Variants in ULK4 observed in about 807,000 individuals in gnomAD.
ULK4 encodes the protein unc-51 like kinase 4, also known as inactive serine/threonine-protein kinase ULK4.
A neutral mutation model predicts 160.6 loss-of-function variants in ULK4; 133 were observed. The ratio of observed to expected loss-of-function variants is 0.83; its 90% CI spans 0.72 to 0.96. ULK4 has a LOEUF of 0.96. Among genes scored for constraint, ULK4 ranks in the 40% least tolerant of loss-of-function variants. ULK4 has a pLI of 0.00. For synonymous variants in ULK4, 534 were observed against 539.8 expected (o/e 0.99, Z 0.15); for missense variants, 1,580 against 1,499.5 (o/e 1.05, Z -0.89).
chr3:41,905,611 T>C (rs1698525117), intron 12 of ULK4, among the ~76,000 whole-genome samples: 1 of 152,060 alleles, frequency 6.6e-6, no homozygotes, highest in Admixed American at 6.5e-5. Context: ...TGTAAAAAAT[T>C]CTTACAACTA....
intron 19 of ULK4, among the ~76,000 whole-genome samples, chr3:41,808,509 G>A (rs2040721119): frequency 6.6e-6 from 1 of 152,172 alleles, no homozygotes. Context: ...GCAAATAAGA[G>A]TAGCGGTATT....
In ULK4 at chr3:41,831,531, A is replaced by ATATATATATATTTTTTTTTT; in HGVS notation, c.1764+4332_1764+4333insAAAAAAAAAATATATATATA. 1.9e-4 allele frequency among the ~76,000 whole-genome samples: 26 copies of ATATATATATATTTTTTTTTT among 138,122 alleles called. No individual in the cohort carries two copies. In the East Asian group the frequency reaches 4.6e-3, roughly 25 times the overall value. 90.6% of individuals were successfully genotyped at this position (138,122 alleles called of 152,430 possible). On this transcript the variant is annotated intron_variant, in intron 18 of 36. Coordinates refer to ENST00000301831, the MANE Select transcript of ULK4 (RefSeq NM_017886.4). ...TTATTGTTATTTTATATATATATATATTTTTTTTTCTTTCTTAAACTTTAG... is the reference window on the plus strand; with the variant it reads ...TTATTGTTATTTTATATATATATATATATATATATATTTTTTTTTTTTTTTTTTTCTTTCTTAAACTTTAG...
At chr3:41,461,783 GA>G (rs1475773985) in intron 33 of ULK4, among the ~76,000 whole-genome samples, 1 of 151,998 alleles carries the variant, frequency 6.6e-6, no homozygotes, top group Non-Finnish European at 1.5e-5. Flanking sequence ...CAATTTACAA[GA>G]AAATCTTTTA....
intron 30 of ULK4, among the ~76,000 whole-genome samples, chr3:41,625,460 T>G (rs1172243298): frequency 6.6e-6 from 1 of 152,170 alleles, no homozygotes; most frequent in East Asian, 1.9e-4. Context: ...CCCAACGCAC[T>G]CTGAATTGTG....
chr3:41,298,681 T>G (rs1271821223), intron 35 of ULK4, among the ~76,000 whole-genome samples: 2 of 152,186 alleles, frequency 1.3e-5, no homozygotes, highest in Non-Finnish European at 2.9e-5. Context: ...TGAACTTTCA[T>G]GCATATTTAG....
intron 12 of ULK4, 85 bp downstream of exon 12, chr3:41,907,760 T>A (rs1220684267): frequency 1.2e-6 from 1 of 843,858 alleles, no homozygotes; most frequent in African/African-American, 1.8e-5. Flanking sequence ...TTTGTAATTA[T>A]TAACATAATT....
intron 2 of ULK4, among the ~76,000 whole-genome samples, chr3:41,938,825 C>T (rs1417372839): frequency 6.6e-6 from 1 of 152,172 alleles, no homozygotes. Flanking sequence ...GGTGAAACTG[C>T]TGGCGTTTTT....
At chr3:41,420,475 C>CTTTTTTTGTTTTTTTTTTTTTTTTTTTTT (rs2082636587) in intron 34 of ULK4, among the ~76,000 whole-genome samples, 1 of 41,178 alleles carries the variant, frequency 2.4e-5, no homozygotes, top group African/African-American at 1.0e-4. Flanking sequence ...CCAGTTCTTT[C>CTTTTTTTGTTTTTTTTTTTTTTTTTTTTT]TTTTTTTTTT....
rs139951557 is a variant in ULK4, at chr3:41,616,365, T to C, written c.3072-648A>G. The stretch of plus-strand genomic sequence containing the variant: ...CCAGGGAGGAGCCAAGATGGCCGAA[T>C]AGAAACAGCTCTGGTCTGCAGCTCC... On this transcript the variant is annotated intron_variant, in intron 30 of 36. Coordinates refer to ENST00000301831, the MANE Select transcript of ULK4 (RefSeq NM_017886.4). 7.2e-5 allele frequency among the ~76,000 whole-genome samples: 11 copies of C among 152,308 alleles called. No individual in the cohort carries two copies. The East Asian group carries it at 1.2e-3, about 16-fold the overall frequency.
chr3:41,651,604 A>T (rs772800577), intron 30 of ULK4, among the ~76,000 whole-genome samples: 4 of 152,226 alleles, frequency 2.6e-5, no homozygotes, highest in Non-Finnish European at 4.4e-5. Context: ...AAAAATGCCA[A>T]CCTGATTCTG....
chr3:41,247,106 G>C (rs571010674), intron 36 of ULK4, 114 bp from the exon 37 acceptor site: 2 of 1,005,476 alleles, frequency 2.0e-6, no homozygotes, highest in East Asian at 5.3e-5. Flanking sequence ...ACCAGCTGCA[G>C]CATCCTCTTG....
intron 19 of ULK4, among the ~76,000 whole-genome samples, chr3:41,803,120 A>C (rs111520733): frequency 6.6e-6 from 1 of 150,776 alleles, no homozygotes; most frequent in Non-Finnish European, 1.5e-5. Flanking sequence ...GCAGTGAGCC[A>C]AGATCGCACC....
chr3:41,636,621 T>C (rs939882739), intron 30 of ULK4, among the ~76,000 whole-genome samples: 1 of 151,944 alleles, frequency 6.6e-6, no homozygotes, highest in Non-Finnish European at 1.5e-5. Context: ...TAATTATTAT[T>C]ATACTTTAAG....
At chr3:41,381,036 A>C (rs548819676) in intron 35 of ULK4, among the ~76,000 whole-genome samples, 44 of 151,924 alleles carry the variant, frequency 2.9e-4, no homozygotes, top group African/African-American at 1.1e-3. Context: ...CTCTGCCCCC[A>C]GCTTTAAATC....
chr3:41,566,985 T>A (rs982200094), intron 31 of ULK4, among the ~76,000 whole-genome samples: 3 of 152,130 alleles, frequency 2.0e-5, no homozygotes, highest in Non-Finnish European at 4.4e-5. Flanking sequence ...CCACTGACAG[T>A]GAGGACTCCT....
chr3:41,681,422 C>T (rs1391118718), intron 29 of ULK4, 86 bp downstream of exon 29: 1 of 1,567,878 alleles, frequency 6.4e-7, no homozygotes, highest in Non-Finnish European at 8.6e-7. Context: ...ACATCAAGAC[C>T]CCAACCCCAT....
At chr3:41,760,770 A>G (rs1389246203) in intron 21 of ULK4, among the ~76,000 whole-genome samples, 1 of 152,212 alleles carries the variant, frequency 6.6e-6, no homozygotes, top group East Asian at 1.9e-4. Context: ...ATCCAAAAAC[A>G]CTGAAATCTG....
At position 41,754,492 on chromosome 3, in the gene ULK4, T is replaced by C. The variant is rs1351285928; in HGVS notation, c.2194-4A>G. 2 of 1,605,944 alleles carry C rather than the reference T, an allele frequency of 1.2e-6. No individual in the cohort carries two copies. The highest frequency in any genetic ancestry group is 2.2e-5 in the East Asian group (1 of 44,780). ...GGATAATTGTGGAGACAAAACCCTG[T>C]AGAAGACATTTAAACAATTTTTTGA... On this transcript the variant is annotated splice_polypyrimidine_tract_variant and splice_region_variant and intron_variant, in intron 21 of 36. Coordinates refer to ENST00000301831, the MANE Select transcript of ULK4 (RefSeq NM_017886.4).
intron 33 of ULK4, among the ~76,000 whole-genome samples, chr3:41,459,261 C>A (rs766926338): frequency 2.6e-5 from 4 of 152,086 alleles, no homozygotes; most frequent in Admixed American, 1.3e-4. Context: ...GACAAGATTT[C>A]ACCATGTTGG....
Sources: gnomAD v4.1 joint callset for allele counts (sites outside exome capture counted in the v4.1 genomes callset) on GRCh38, gnomAD v4.1.1 for gene constraint, MANE v1.5 for transcripts, NCBI Gene and HGNC (gene_info 2026-07-23, HGNC 2026-07-21) for gene names.